The following TRIM13 variants were observed in gnomAD, a reference collection of about 807,000 sequenced individuals.
TRIM13 encodes the protein tripartite motif containing 13.
In TRIM13, 15 loss-of-function variants were observed where a neutral mutation model predicts 27.1. The ratio of observed to expected loss-of-function variants is 0.55; its 90% CI spans 0.37 to 0.85. TRIM13 has a LOEUF of 0.85. TRIM13 is among the 40% of genes least tolerant of loss of function. TRIM13 has a pLI of 0.00. For missense variants in TRIM13, 402 were observed against 472.2 expected (o/e 0.85, Z 1.38); for synonymous variants, 193 against 171.5 (o/e 1.13, Z -0.98).
intron 1 of TRIM13, among the ~76,000 whole-genome samples, chr13:50,006,845 A>G (rs1483246091): frequency 6.6e-6 from 1 of 152,142 alleles, no homozygotes; most frequent in Non-Finnish European, 1.5e-5. Context: ...AGTTCTCCCT[A>G]TGTTATGTAT....
At chr13:50,005,675 TAA>T (rs796332854) in intron 1 of TRIM13, among the ~76,000 whole-genome samples, 2 of 133,212 alleles carry the variant, frequency 1.5e-5, no homozygotes, top group Non-Finnish European at 3.2e-5. Context: ...ACTCCATCTC[TAA>T]AAAAAAAAGA....
rs1186666170 is a variant in TRIM13 at position 49,997,242 on chromosome 13, G to C, written c.-528G>C. 3 of 152,622 alleles carry C rather than the reference G, an allele frequency of 2.0e-5. No individual in the cohort carries two copies. In the East Asian group the frequency reaches 5.8e-4, roughly 30 times the overall value. The allele number at this position is 152,622 out of a possible 1,614,324, so 9.5% of individuals were successfully genotyped here. Reference sequence around the variant, plus strand: ...GTCAGCAGGGATCTGCGTGGGTTGGGGGGGCTGGCGAAGGCCGTCTGAGCT... The same window carrying C: ...GTCAGCAGGGATCTGCGTGGGTTGGCGGGGCTGGCGAAGGCCGTCTGAGCT... On this transcript the variant is annotated 5_prime_UTR_variant, in exon 1 of 2. Coordinates refer to ENST00000378182, the MANE Select transcript of TRIM13 (RefSeq NM_213590.3).
chr13:50,000,181 T>TA (rs1465231970), intron 1 of TRIM13, among the ~76,000 whole-genome samples: 1 of 152,204 alleles, frequency 6.6e-6, no homozygotes, highest in Non-Finnish European at 1.5e-5. Context: ...AAGTGTGTCT[T>TA]ATTGTTTTTT....
At position 50,017,606 on chromosome 13, in the gene TRIM13, G is replaced by A. The variant is rs1424733633; in HGVS notation, c.*4442G>A. 1 of 166,874 alleles carries A rather than the reference G, an allele frequency of 6.0e-6. No individual in the cohort carries two copies. Among genetic ancestry groups the A allele is most frequent in the Non-Finnish European group, 1.5e-5 (1 of 68,088 alleles). The allele number at this position is 166,874 out of a possible 1,614,324, so 10.3% of individuals were successfully genotyped here. A position where few individuals can be genotyped will look rare whatever the true frequency, so the allele number is the denominator to read the frequency against. On this transcript the variant is annotated 3_prime_UTR_variant, in exon 2 of 2. Coordinates refer to ENST00000378182, the MANE Select transcript of TRIM13 (RefSeq NM_213590.3). Reference sequence around the variant, plus strand: ...ATCACCAAATGGTATTCAATTGTTTGAAGCTCAAAATTTTTACCATTCCAT... The same window carrying A: ...ATCACCAAATGGTATTCAATTGTTTAAAGCTCAAAATTTTTACCATTCCAT...
At chr13:49,998,738 G>C (rs1465453719) in intron 1 of TRIM13, among the ~76,000 whole-genome samples, 6 of 151,878 alleles carry the variant, frequency 4.0e-5, no homozygotes, top group Non-Finnish European at 8.8e-5. Context: ...AGACCAGCCT[G>C]ACCAATATGG....
In TRIM13 at chr13:50,016,361, T is replaced by G. The variant is rs532060522; in HGVS notation, c.*3197T>G. On this transcript the variant is annotated 3_prime_UTR_variant, in exon 2 of 2. Transcript: ENST00000378182. ...CATGGGAGAAAATAATTTTGTAGATTATGTTCCATTGCTAATGAATTTGAC... is the reference window on the plus strand; with the variant it reads ...CATGGGAGAAAATAATTTTGTAGATGATGTTCCATTGCTAATGAATTTGAC... The G allele has an allele frequency of 6.1e-6, 2 of 326,580 alleles. No individual in the cohort carries two copies. Among genetic ancestry groups the G allele is most frequent in the South Asian group, 1.3e-4 (2 of 15,984 alleles). The allele number at this position is 326,580 out of a possible 1,614,324, so 20.2% of individuals were successfully genotyped here.
Position 50,012,884 on chromosome 13 carries a change from A to G in TRIM13, c.944A>G (p.Tyr315Cys), listed in dbSNP as rs1875829668. 1.9e-6 allele frequency: 3 copies of G among 1,614,070 alleles called. No homozygotes were observed. Among genetic ancestry groups the G allele is most frequent in the Non-Finnish European group, 2.5e-6 (3 of 1,180,024 alleles). ...TFISKIPWSF[Y>C]KLFLLILLLG... ...ATTAGCAAGATTCCCTGGAGCTTTT[A>G]TAAGTTATTTTTGCTAATCCTTCTG... is the stretch of plus-strand genomic sequence containing the variant. The change falls in exon 2 of 2, where the codon TAT (tyrosine) becomes TGT (cysteine). Residue 315 changes from tyrosine to cysteine, a missense_variant. This residue lies in a region of TRIM13 where 200 missense variants were observed against 194.7 expected (regional missense o/e 1.03). Transcript: ENST00000378182.
intron 1 of TRIM13, among the ~76,000 whole-genome samples, chr13:50,004,850 C>T (rs1005112156): frequency 1.6e-4 from 24 of 150,798 alleles, no homozygotes; most frequent in Non-Finnish European, 3.5e-4. Context: ...CCAAGGAGGG[C>T]GGATTACCTG....
In TRIM13 at chr13:50,014,344, A is replaced by AAAATATATATAT. The variant is rs1555325057; in HGVS notation, c.*1181_*1182insAATATATATATA. The AAAATATATATAT allele has an allele frequency of 5.1e-5, 1 of 19,718 alleles. No individual in the cohort carries two copies. The highest frequency in any genetic ancestry group is 8.3e-5 in the Non-Finnish European group (1 of 12,100). The allele number at this position is 19,718 out of a possible 1,614,324, so 1.2% of individuals were successfully genotyped here. ...AAAAAAAAAAAAAAAAAAAAAAAAA[A>AAAATATATATAT]ATATATATATATATATACACACACA... On this transcript the variant is annotated 3_prime_UTR_variant, in exon 2 of 2. Coordinates refer to ENST00000378182, the MANE Select transcript of TRIM13 (RefSeq NM_213590.3).
At chr13:50,010,875 G>A (rs762329079) in intron 1 of TRIM13, among the ~76,000 whole-genome samples, 2 of 152,122 alleles carry the variant, frequency 1.3e-5, no homozygotes, top group African/African-American at 4.8e-5. Context: ...TTAACTTGCC[G>A]CTCTTCACTT....
Position 50,011,913 on chromosome 13 carries a change from TAA to T in TRIM13, c.-6-21_-6-20del. 1 of 1,562,930 alleles carries T rather than the reference TAA, an allele frequency of 6.4e-7. No individual in the cohort carries two copies. The highest frequency in any genetic ancestry group is 8.6e-7 in the Non-Finnish European group (1 of 1,156,642). On this transcript the variant is annotated intron_variant, in intron 1 of 1. Transcript: ENST00000378182. ...AGTGGTGACGGTTATTGGAGTAAAA[TAA>T]TTTTTTTTTTTTCTGGTAGGATGTG...
rs1876275366 is a variant in TRIM13 at position 50,015,091 on chromosome 13, AAAAATATATATATATAT to A, written c.*1929_*1945del. 3.4e-4 allele frequency: 10 copies of A among 29,066 alleles called. 1 individual carries two copies. In the South Asian group the frequency reaches 0.013, roughly 38 times the overall value. The allele number at this position is 29,066 out of a possible 1,614,324, so 1.8% of individuals were successfully genotyped here. A position where few individuals can be genotyped will look rare whatever the true frequency, so the allele number is the denominator to read the frequency against. ...TCCCAGTAATAAAAAAAAAAAAAAA[AAAAATATATATATATAT>A]ATATATATATATATATATATATATA... On this transcript the variant is annotated 3_prime_UTR_variant, in exon 2 of 2. Transcript: ENST00000378182.
chr13:50,002,656 ATC>A (rs920707018), intron 1 of TRIM13, among the ~76,000 whole-genome samples: 1 of 150,970 alleles, frequency 6.6e-6, no homozygotes, highest in Non-Finnish European at 1.5e-5. Context: ...TTATTAATGG[ATC>A]TCTCTTTTTT....
intron 1 of TRIM13, among the ~76,000 whole-genome samples, chr13:50,009,278 G>T (rs1875236345): frequency 6.6e-6 from 1 of 152,178 alleles, no homozygotes; most frequent in Non-Finnish European, 1.5e-5. Context: ...GTCTGCTTCT[G>T]TATTTAACCT....
rs142675192 is a variant in TRIM13 at position 50,012,558 on chromosome 13, C to G, written c.618C>G (p.Thr206=). Residue 206 remains threonine, a synonymous_variant, in exon 2 of 2, where the codon ACC becomes ACG. Transcript: ENST00000378182. The part of the protein sequence containing the change: ...KKNEILSDFE[T]MKLAVMQAYD... ...ATGAAATTCTGTCTGACTTTGAGACCATGAAACTTGCTGTTATGCAAGCAT... is the reference window on the plus strand; with the variant it reads ...ATGAAATTCTGTCTGACTTTGAGACGATGAAACTTGCTGTTATGCAAGCAT... 1.9e-6 allele frequency: 3 copies of G among 1,614,042 alleles called. No homozygotes were observed. Among genetic ancestry groups the G allele is most frequent in the South Asian group, 2.2e-5 (2 of 91,062 alleles).
chr13:50,005,563 A>G lies in TRIM13; in HGVS notation c.-6-6372A>G, dbSNP rs564622439. 5.3e-5 allele frequency among the ~76,000 whole-genome samples: 8 copies of G among 151,112 alleles called. No individual in the cohort carries two copies. The East Asian group carries it at 1.4e-3, about 27-fold the overall frequency. ...GTTGTAGGCGCGTGTAATCCCAGCT[A>G]CTCGGGGAGACTAAGGCAGGAGAAT... On this transcript the variant is annotated intron_variant, in intron 1 of 1. Transcript: ENST00000378182.
chr13:50,002,346 A>G (rs1874142447), intron 1 of TRIM13, among the ~76,000 whole-genome samples: 1 of 151,836 alleles, frequency 6.6e-6, no homozygotes, highest in Non-Finnish European at 1.5e-5. Context: ...ACGAGATCGC[A>G]CCATTGCACT....
At chr13:50,009,183 T>C (rs1381675980) in intron 1 of TRIM13, among the ~76,000 whole-genome samples, 1 of 152,166 alleles carries the variant, frequency 6.6e-6, no homozygotes, top group Non-Finnish European at 1.5e-5. Context: ...ATAACTATTT[T>C]CCAAAACAAA....
chr13:50,001,777 T>C (rs748751286), intron 1 of TRIM13, among the ~76,000 whole-genome samples: 3 of 152,174 alleles, frequency 2.0e-5, no homozygotes, highest in Non-Finnish European at 2.9e-5. Context: ...GTGTAATACA[T>C]TAATTTTCAT....
Sources: gnomAD v4.1 joint callset for allele counts (sites outside exome capture counted in the v4.1 genomes callset) on GRCh38, gnomAD v4.1.1 for gene constraint, gnomAD v4.1.1 regional missense constraint, MANE v1.5 for transcripts, NCBI Gene and HGNC (gene_info 2026-07-23, HGNC 2026-07-21) for gene names.